KLHL41: variants seen among roughly 807,000 people sequenced by gnomAD.
The protein encoded by KLHL41 is kelch-like protein 41.
In KLHL41, 31 loss-of-function variants were observed where a neutral mutation model predicts 49.2. That is an observed-to-expected ratio of 0.63 (90% CI 0.47 to 0.85). The LOEUF (loss-of-function observed/expected upper bound fraction) is 0.85, where lower values mean the gene tolerates loss of function less well. Ranked by LOEUF, KLHL41 falls within the 40% of genes least tolerant of loss-of-function variation. The probability of loss-of-function intolerance (pLI) is 0.00; values close to 1 mark genes in which losing one functional copy is unlikely to be tolerated. For synonymous variants in KLHL41, 218 were observed against 258.5 expected (o/e 0.84, Z 1.50); for missense variants, 663 against 726.7 (o/e 0.91, Z 1.01).
Position 169,525,684 on chromosome 2 carries a change from G to C in KLHL41, c.1809G>C (p.Leu603=), listed in dbSNP as rs746985729. Residue 603 remains leucine (L), a synonymous_variant, in exon 6 of 6, where the codon CTG becomes CTC. Coordinates refer to ENST00000284669, the MANE Select transcript of KLHL41 (RefSeq NM_006063.3). ...CLATRLNLFK[L]SKL ...CAACACGTTTAAATCTCTTCAAACT[G>C]TCTAAACTGTGAACAAGGTGACAAA... 1.3e-5 allele frequency: 21 copies of C among 1,597,576 alleles called. No individual in the cohort carries two copies. Among genetic ancestry groups the C allele is most frequent in the Non-Finnish European group, 1.8e-5 (21 of 1,165,238 alleles).
chr2:169,515,046 T>TA, intron 3 of KLHL41, 85 bp downstream of exon 3: 1 of 875,490 alleles, frequency 1.1e-6, no homozygotes, highest in Non-Finnish European at 1.7e-6. Flanking sequence ...TTTTTTTTTT[T>TA]TTTTGAGATG....
chr2:169,523,366 T>C (rs562730722), intron 5 of KLHL41, among the ~76,000 whole-genome samples: 19 of 152,320 alleles, frequency 1.2e-4, no homozygotes, highest in Admixed American at 1.0e-3. Context: ...GCAATTTAAT[T>C]GGTCTGAAGT....
At chr2:169,521,607 G>A (rs1684205512) in intron 5 of KLHL41, among the ~76,000 whole-genome samples, 1 of 152,092 alleles carries the variant, frequency 6.6e-6, no homozygotes, top group Non-Finnish European at 1.5e-5. Context: ...TGGCCAGGCT[G>A]GTCTCGAACT....
At chr2:169,516,660 T>C (rs1684117850) in intron 3 of KLHL41, among the ~76,000 whole-genome samples, 1 of 152,176 alleles carries the variant, frequency 6.6e-6, no homozygotes, top group Non-Finnish European at 1.5e-5. Flanking sequence ...CTTGAGAATA[T>C]GATTAACTAA....
chr2:169,514,944 A>T lies in KLHL41; in HGVS notation c.1359A>T (p.Gly453=), dbSNP rs1321175661. 1 of 1,598,110 alleles carries T rather than the reference A, an allele frequency of 6.3e-7. No homozygotes were observed. Among genetic ancestry groups the T allele is most frequent in the African/African-American group, 1.3e-5 (1 of 74,148 alleles). The change falls in exon 3 of 6, where the codon GGA becomes GGT. Residue 453 remains glycine, a synonymous_variant. Transcript: ENST00000284669. Reference sequence around the variant, plus strand: ...ATAAAGGGATGATATATTGTCTAGGAGGAAAGACAGATGACAAGTAAGTAC... The same window carrying T: ...ATAAAGGGATGATATATTGTCTAGGTGGAAAGACAGATGACAAGTAAGTAC... The part of the protein sequence containing the change: ...ISHKGMIYCL[G]GKTDDKKCTN...
At chr2:169,512,296 T>G (rs1312647034) in intron 1 of KLHL41, among the ~76,000 whole-genome samples, 2 of 152,076 alleles carry the variant, frequency 1.3e-5, no homozygotes, top group Non-Finnish European at 2.9e-5. Flanking sequence ...ACGTCAAAAG[T>G]GGCAAAGTCA....
At chr2:169,520,030 T>G (rs1684174129) in intron 4 of KLHL41, among the ~76,000 whole-genome samples, 1 of 151,952 alleles carries the variant, frequency 6.6e-6, no homozygotes, top group Non-Finnish European at 1.5e-5. Flanking sequence ...GACAGGGTTT[T>G]GCTCTATCAC....
rs1244387576 is a variant in KLHL41, at chr2:169,510,831, A to G, written c.1053A>G (p.Gly351=). ...AGCAAAATCAGATATATGTGGTAGG[A>G]GGACTATATGTGGATGAAGAAAATA... is the stretch of plus-strand genomic sequence containing the variant. ...VTQQNQIYVV[G]GLYVDEENKD... is the part of the protein sequence containing the mutation. Residue 351 remains glycine (G), a synonymous_variant, in exon 1 of 6, where the codon GGA becomes GGG. Coordinates refer to ENST00000284669, the MANE Select transcript of KLHL41 (RefSeq NM_006063.3). The surrounding 1 kb of genome is among the most constrained non-coding windows in gnomAD (Gnocchi z 4.2). The G allele has an allele frequency of 6.2e-7, 1 of 1,613,936 alleles. No individual in the cohort carries two copies. Among genetic ancestry groups the G allele is most frequent in the Non-Finnish European group, 8.5e-7 (1 of 1,179,838 alleles).
At chr2:169,515,589 C>T (rs1684104656) in intron 3 of KLHL41, among the ~76,000 whole-genome samples, 1 of 151,998 alleles carries the variant, frequency 6.6e-6, no homozygotes, top group African/African-American at 2.4e-5. Flanking sequence ...TTTTCTTATT[C>T]ATTTAGCCAT....
chr2:169,516,577 A>G (rs1684116815), intron 3 of KLHL41, among the ~76,000 whole-genome samples: 1 of 152,208 alleles, frequency 6.6e-6, no homozygotes, highest in East Asian at 1.9e-4. Flanking sequence ...GTTTCCTTCA[A>G]GCAGCATTAG....
intron 4 of KLHL41, among the ~76,000 whole-genome samples, chr2:169,520,229 C>T (rs1186334626): frequency 7.7e-6 from 1 of 129,336 alleles, no homozygotes; most frequent in Admixed American, 8.3e-5. Flanking sequence ...ATTTTGTTGC[C>T]CAGGCTGGTC....
intron 5 of KLHL41, 24 bp from the exon 6 acceptor site, chr2:169,525,561 A>G (rs1387308916): frequency 2.1e-6 from 3 of 1,398,868 alleles, no homozygotes. Flanking sequence ...CTGCTTATTG[A>G]TTACTTTTTT....
At chr2:169,514,807 C>G in intron 2 of KLHL41, 47 bp from the exon 3 acceptor site, 1 of 1,592,928 alleles carries the variant, frequency 6.3e-7, no homozygotes, top group Non-Finnish European at 8.6e-7. Context: ...ATTTTCAGAA[C>G]CTGGAATTTA....
Position 169,525,565 on chromosome 2 carries a change from CTT to C in KLHL41, c.1710-12_1710-11del. The C allele has an allele frequency of 7.0e-7, 1 of 1,423,722 alleles. No individual in the cohort carries two copies. The highest frequency in any genetic ancestry group is 9.9e-7 in the Non-Finnish European group (1 of 1,010,270). The allele number at this position is 1,423,722 out of a possible 1,614,324, so 88.2% of individuals were successfully genotyped here. On this transcript the variant is annotated intron_variant, in intron 5 of 5. Coordinates refer to ENST00000284669, the MANE Select transcript of KLHL41 (RefSeq NM_006063.3). The stretch of plus-strand genomic sequence containing the variant: ...TGGAACTAAAGCTGCTTATTGATTA[CTT>C]TTTTTTTCCTCCATCAGGTATGAAG...
At chr2:169,517,535 C>T (rs1462516325) in intron 3 of KLHL41, among the ~76,000 whole-genome samples, 4 of 152,336 alleles carry the variant, frequency 2.6e-5, no homozygotes, top group Middle Eastern at 3.4e-3. Flanking sequence ...GCCCTGGATG[C>T]GGAGGTTGCG....
Position 169,510,981 on chromosome 2 carries a change from C to A in KLHL41, c.1110+93C>A. The A allele has an allele frequency of 9.3e-7, 1 of 1,079,604 alleles. No individual in the cohort carries two copies. The highest frequency in any genetic ancestry group is 1.4e-6 in the Non-Finnish European group (1 of 738,414). The allele number at this position is 1,079,604 out of a possible 1,614,324, so 66.9% of individuals were successfully genotyped here. A position where few individuals can be genotyped will look rare whatever the true frequency, so the allele number is the denominator to read the frequency against. On this transcript the variant is annotated intron_variant, in intron 1 of 5. Transcript: ENST00000284669. This position sits in a 1 kb window ranked among gnomAD's most constrained non-coding sequence, Gnocchi z 4.2. ...ATTTGTGAATTATTCAAGCTGCTTG[C>A]ATTTTACTCTAATTGATGTCCTATT...
At chr2:169,513,075 T>G (rs761043856) in intron 1 of KLHL41, among the ~76,000 whole-genome samples, 7 of 152,176 alleles carry the variant, frequency 4.6e-5, no homozygotes, top group Non-Finnish European at 7.4e-5. Context: ...CTGTTCCATC[T>G]GCTAGAGAAA....
At chr2:169,515,276 G>T (rs1684098733) in intron 3 of KLHL41, among the ~76,000 whole-genome samples, 1 of 151,958 alleles carries the variant, frequency 6.6e-6, no homozygotes, top group African/African-American at 2.4e-5. Flanking sequence ...CAGGTGATCT[G>T]CCCGCTTCAG....
Position 169,509,762 on chromosome 2 carries a change from C to T in KLHL41, c.-17C>T. The T allele has an allele frequency of 6.3e-7, 1 of 1,599,288 alleles. No homozygotes were observed. Among genetic ancestry groups the T allele is most frequent in the South Asian group, 1.1e-5 (1 of 89,554 alleles). On this transcript the variant is annotated 5_prime_UTR_variant, in exon 1 of 6. Transcript: ENST00000284669. ...AAGGCCTTCAGTGTCCCCTTCCTTA[C>T]CCAGGTTTCTCACAGAATGGATTCC...
Sources: gnomAD v4.1 joint callset for allele counts (sites outside exome capture counted in the v4.1 genomes callset) on GRCh38, gnomAD v4.1.1 for gene constraint, Gnocchi (gnomAD v3.1) non-coding constraint, MANE v1.5 for transcripts, NCBI Gene and HGNC (gene_info 2026-07-23, HGNC 2026-07-21) for gene names.